Variants in PRKAR2B observed in about 807,000 individuals in gnomAD.
PRKAR2B encodes the protein protein kinase cAMP-dependent type II regulatory subunit beta.
PRKAR2B carries 14 observed loss-of-function variants against 49.9 expected under a neutral mutation model. The observed-to-expected ratio is 0.28, with a 90% CI of 0.19 to 0.44. PRKAR2B has a LOEUF of 0.44. Among genes scored for constraint, PRKAR2B ranks in the 20% least tolerant of loss-of-function variants. PRKAR2B has a pLI of 1.00. For missense variants in PRKAR2B, 393 were observed against 537.9 expected, an observed-to-expected ratio of 0.73 and a Z score of 2.67; for synonymous variants, 196 against 197.7, an observed-to-expected ratio of 0.99 and a Z score of 0.07.
At chr7:107,111,178 T>C (rs1795164972) in intron 2 of PRKAR2B, among the ~76,000 whole-genome samples, 1 of 151,844 alleles carries the variant, frequency 6.6e-6, no homozygotes, top group African/African-American at 2.4e-5. Flanking sequence ...GAGGTTCCTC[T>C]GCTTAAGGAA....
intron 1 of PRKAR2B, 147 bp downstream of exon 1, chr7:107,045,361 C>T: frequency 2.9e-6 from 2 of 680,594 alleles, no homozygotes; most frequent in East Asian, 3.0e-5. Context: ...CGCCCACCCC[C>T]TCAGCATCCA....
intron 2 of PRKAR2B, among the ~76,000 whole-genome samples, chr7:107,083,002 C>G (rs1794543079): frequency 6.6e-6 from 1 of 152,072 alleles, no homozygotes; most frequent in South Asian, 2.1e-4. Context: ...CAATGTGTGT[C>G]TCATCTATAA....
At chr7:107,063,281 G>A (rs1794063232) in intron 1 of PRKAR2B, among the ~76,000 whole-genome samples, 1 of 152,170 alleles carries the variant, frequency 6.6e-6, no homozygotes, top group African/African-American at 2.4e-5. Context: ...ACAGGCATGA[G>A]CCTCCATGCC....
At chr7:107,150,235 C>T (rs753384567) in intron 6 of PRKAR2B, among the ~76,000 whole-genome samples, 23 of 151,880 alleles carry the variant, frequency 1.5e-4, no homozygotes, top group Admixed American at 2.6e-4. Context: ...GTTCTTCAAC[C>T]GAGTTCTGTA....
chr7:107,088,760 C>T lies in PRKAR2B; in HGVS notation c.343+18444C>T, dbSNP rs549436459. Among the ~76,000 whole-genome samples, 7 of 152,146 alleles carry T rather than the reference C, an allele frequency of 4.6e-5. No individual in the cohort carries two copies. The East Asian group carries it at 7.8e-4, about 17-fold the overall frequency. On this transcript the variant is annotated intron_variant, in intron 2 of 10. Coordinates refer to ENST00000265717, the MANE Select transcript of PRKAR2B (RefSeq NM_002736.3). ...GGCTACAGGCGTGTGTTACCACGCC[C>T]GGCTAATTTTTGTAGTTTTAGTAGA...
chr7:107,128,960 TG>T (rs1271116119), intron 4 of PRKAR2B: 1 of 152,178 alleles, frequency 6.6e-6, no homozygotes, highest in Non-Finnish European at 1.5e-5. Flanking sequence ...TAGTCATTGC[TG>T]TATAGTTATT....
intron 2 of PRKAR2B, among the ~76,000 whole-genome samples, chr7:107,087,476 T>C (rs556128762): frequency 4.6e-5 from 7 of 152,200 alleles, no homozygotes; most frequent in Non-Finnish European, 8.8e-5. Context: ...AGCCAGGAGC[T>C]TTTCTAAGTG....
chr7:107,125,322 T>A (rs1392764229), intron 3 of PRKAR2B, among the ~76,000 whole-genome samples: 1 of 152,226 alleles, frequency 6.6e-6, no homozygotes, highest in Non-Finnish European at 1.5e-5. Context: ...ATGGGATCTG[T>A]CACTAGGATA....
intron 1 of PRKAR2B, 38 bp from the exon 2 acceptor site, chr7:107,070,243 C>T: frequency 6.5e-7 from 1 of 1,537,932 alleles, no homozygotes; most frequent in Middle Eastern, 1.7e-4. Context: ...GAAAATTAGA[C>T]TTTTAATCTA....
At chr7:107,092,443 G>T (rs975319070) in intron 2 of PRKAR2B, among the ~76,000 whole-genome samples, 1 of 152,078 alleles carries the variant, frequency 6.6e-6, no homozygotes, top group African/African-American at 2.4e-5. Context: ...TCTTTCAGGG[G>T]ATAGCGGTGT....
At chr7:107,069,141 G>A (rs1157659838) in intron 1 of PRKAR2B, among the ~76,000 whole-genome samples, 1 of 152,208 alleles carries the variant, frequency 6.6e-6, no homozygotes, top group Non-Finnish European at 1.5e-5. Flanking sequence ...TCCTCATGTT[G>A]GCCATGCTGG....
rs184373302 is a variant in PRKAR2B, at chr7:107,144,547, A to T, written c.588-1761A>T. Among the ~76,000 whole-genome samples the T allele has an allele frequency of 3.2e-3, 483 of 152,104 alleles. 2 individuals are homozygous for T. Among genetic ancestry groups the T allele is most frequent in the African/African-American group, 0.011 (456 of 41,472 alleles). On this transcript the variant is annotated intron_variant, in intron 5 of 10. Coordinates refer to ENST00000265717, the MANE Select transcript of PRKAR2B (RefSeq NM_002736.3). ...GCAGTCACAGCTCACTGCAGCCTTG[A>T]ACTCCTGGGCCCAAGCGATCCTCTT...
At chr7:107,138,583 C>G (rs532755494) in intron 4 of PRKAR2B, among the ~76,000 whole-genome samples, 8 of 144,376 alleles carry the variant, frequency 5.5e-5, no homozygotes, top group Non-Finnish European at 1.0e-4. Flanking sequence ...GAGTCTCACT[C>G]TGTTGCCAGG....
intron 2 of PRKAR2B, among the ~76,000 whole-genome samples, chr7:107,088,259 T>TGA (rs1794657915): frequency 6.6e-6 from 1 of 152,130 alleles, no homozygotes; most frequent in Non-Finnish European, 1.5e-5. Flanking sequence ...TCAGGTATCC[T>TGA]ATGCAGTTAT....
chr7:107,076,715 T>C (rs541440167), intron 2 of PRKAR2B, among the ~76,000 whole-genome samples: 1 of 152,358 alleles, frequency 6.6e-6, no homozygotes, highest in South Asian at 2.1e-4. Flanking sequence ...TATGAACATA[T>C]AATTTTGTGG....
At position 107,146,321 on chromosome 7, in the gene PRKAR2B, A is replaced by G. The variant is rs1158900282; in HGVS notation, c.601A>G (p.Ile201Val). 1 of 1,613,990 alleles carries G rather than the reference A, an allele frequency of 6.2e-7. No homozygotes were observed. The highest frequency in any genetic ancestry group is 1.3e-5 in the African/African-American group (1 of 75,046). Residue 201 changes from isoleucine (I) to valine (V), a missense_variant, in exon 6 of 11, where the codon ATT becomes GTT. By Grantham distance (29) the Ile-to-Val change is conservative. This residue lies in a region of PRKAR2B where 233 missense variants were observed against 390.4 expected (regional missense o/e 0.60). Coordinates refer to ENST00000265717, the MANE Select transcript of PRKAR2B (RefSeq NM_002736.3). ...TATGTCCAACAGAGGCACATTTGAT[A>G]TTTATGTGAAATGTGATGGTGTTGG... is the stretch of plus-strand genomic sequence containing the variant. Reference protein sequence around the residue: ...FYVIDRGTFDIYVKCDGVGRC... With the variant: ...FYVIDRGTFDVYVKCDGVGRC...
At chr7:107,065,184 TCAG>T (rs1274478748) in intron 1 of PRKAR2B, among the ~76,000 whole-genome samples, 8 of 152,242 alleles carry the variant, frequency 5.3e-5, no homozygotes, top group African/African-American at 1.2e-4. Flanking sequence ...CTAAAATTAT[TCAG>T]CTGAATCCAA....
At chr7:107,096,809 G>T (rs1237262759) in intron 2 of PRKAR2B, among the ~76,000 whole-genome samples, 3 of 152,168 alleles carry the variant, frequency 2.0e-5, no homozygotes, top group Non-Finnish European at 4.4e-5. Flanking sequence ...TTTCCATGTA[G>T]TTGAGTGGTT....
intron 2 of PRKAR2B, among the ~76,000 whole-genome samples, chr7:107,111,434 C>T (rs575622584): frequency 6.6e-6 from 1 of 152,268 alleles, no homozygotes; most frequent in African/African-American, 2.4e-5. Context: ...GTGGTAGTCA[C>T]AGCAGGCCTT....
Sources: allele counts gnomAD v4.1 joint callset (sites outside exome capture counted in the v4.1 genomes callset), GRCh38; gene constraint gnomAD v4.1.1; regional missense constraint gnomAD v4.1.1; transcripts MANE v1.5; gene names NCBI Gene and HGNC (gene_info 2026-07-23, HGNC 2026-07-21).